Variants in NKIRAS1 observed in about 807,000 individuals in gnomAD.
The protein encoded by NKIRAS1 is NF-kappa-B inhibitor-interacting Ras-like protein 1.
NKIRAS1 carries 16 observed loss-of-function variants against 19.8 expected under a neutral mutation model. That is an observed-to-expected ratio of 0.81 (90% confidence interval 0.55 to 1.23). The LOEUF (loss-of-function observed/expected upper bound fraction) is 1.23, where lower values mean the gene tolerates loss of function less well. Ranked by LOEUF, NKIRAS1 falls within the 50% of genes most tolerant of loss-of-function variation. The probability of loss-of-function intolerance (pLI) is 0.00; values close to 1 mark genes in which losing one functional copy is unlikely to be tolerated. For synonymous variants in NKIRAS1, 88 were observed against 79.0 expected (o/e 1.11, Z -0.61); for missense variants, 184 against 220.0 (o/e 0.84, Z 1.04).
chr3:23,909,933 G>A (rs1703506205), intron 3 of NKIRAS1, among the ~76,000 whole-genome samples: 2 of 142,260 alleles, frequency 1.4e-5, no homozygotes. Flanking sequence ...ATCTCAGCTC[G>A]CTGCAACCTC....
intron 1 of NKIRAS1, among the ~76,000 whole-genome samples, chr3:23,935,342 T>C (rs571299524): frequency 6.6e-6 from 1 of 150,606 alleles, no homozygotes. Flanking sequence ...AATTAGTTTA[T>C]GAAAGAAAGG....
chr3:23,934,834 A>AG (rs909657312), intron 1 of NKIRAS1, among the ~76,000 whole-genome samples: 1 of 37,478 alleles, frequency 2.7e-5, no homozygotes, highest in African/African-American at 1.0e-4. Context: ...TGCTCTCTTG[A>AG]AAAAAAAAAA....
Position 23,900,964 on chromosome 3 carries a change from A to C in NKIRAS1, c.180T>G (p.Tyr60Ter). 6.2e-7 allele frequency: 1 copy of C among 1,614,214 alleles called. No homozygotes were observed. The highest frequency in any genetic ancestry group is 8.5e-7 in the Non-Finnish European group (1 of 1,180,034). The change falls in exon 4 of 5, where the codon TAT becomes TAG. Residue 60 changes from tyrosine (Y) to a stop codon, truncating the protein, a stop_gained. Coordinates refer to ENST00000425478, the MANE Select transcript of NKIRAS1 (RefSeq NM_020345.4). LOFTEE classifies it high-confidence loss of function. ...CGCCTTCCTGTAGACCTCTGGTGTC[A>C]TAAAGATGTAACTGTTCTTTTACTC... Reference protein sequence around the residue: ...DRGVKEQLHLYDTRGLQEGVE... With the variant: ...DRGVKEQLHL
intron 1 of NKIRAS1, among the ~76,000 whole-genome samples, chr3:23,937,994 A>G (rs1705427847): frequency 6.6e-6 from 1 of 152,200 alleles, no homozygotes. Flanking sequence ...AACTGGGTCT[A>G]TATCTGAAAT....
intron 1 of NKIRAS1, among the ~76,000 whole-genome samples, chr3:23,925,145 T>C (rs73825183): frequency 0.016 from 2,464 of 152,258 alleles, 76 homozygotes; most frequent in African/African-American, 0.057. Flanking sequence ...AATCAAATAT[T>C]TGTGAACAGC....
At chr3:23,940,789 C>T (rs1705480456) in intron 1 of NKIRAS1, among the ~76,000 whole-genome samples, 1 of 151,898 alleles carries the variant, frequency 6.6e-6, no homozygotes, top group Non-Finnish European at 1.5e-5. Flanking sequence ...AATATAGAAG[C>T]TAATACCATG....
At chr3:23,943,387 C>A (rs1285655871) in intron 1 of NKIRAS1, among the ~76,000 whole-genome samples, 2 of 152,226 alleles carry the variant, frequency 1.3e-5, no homozygotes, top group Non-Finnish European at 1.5e-5. Context: ...CATGCGCCAC[C>A]ACCCCGGCTA....
At chr3:23,938,963 C>T (rs1221956430) in intron 1 of NKIRAS1, among the ~76,000 whole-genome samples, 3 of 152,248 alleles carry the variant, frequency 2.0e-5, no homozygotes, top group African/African-American at 7.2e-5. Context: ...TAGCTCCTAG[C>T]AGCTCCAACC....
chr3:23,936,134 A>C (rs535991856), intron 1 of NKIRAS1, among the ~76,000 whole-genome samples: 1 of 150,004 alleles, frequency 6.7e-6, no homozygotes, highest in South Asian at 2.1e-4. Context: ...ATTGGTGATA[A>C]GCATAATAGG....
rs982283990 is a variant in NKIRAS1 at position 23,890,809 on chromosome 3, T to C, written c.*2286A>G. 5 of 435,896 alleles carry C rather than the reference T, an allele frequency of 1.1e-5. No individual in the cohort carries two copies. The highest frequency in any genetic ancestry group is 4.2e-5 in the Admixed American group (1 of 23,928). 27.0% of individuals were successfully genotyped at this position (435,896 alleles called of 1,614,324 possible). A position where few individuals can be genotyped will look rare whatever the true frequency, so the allele number is the denominator to read the frequency against. On this transcript the variant is annotated 3_prime_UTR_variant, in exon 5 of 5. Transcript: ENST00000425478. ...GAATTGGTAATAGCAACTTTTAAAA[T>C]TGTCATTAGTTCTGCAATATTAGCT...
At chr3:23,946,335 G>T in exon 1 of NKIRAS1, 5 of 978,314 alleles carry the variant, frequency 5.1e-6, no homozygotes, top group Admixed American at 6.1e-5. Context: ...TGCAGATTCC[G>T]AGGAGGAAGT....
At chr3:23,935,908 C>T (rs1385293966) in intron 1 of NKIRAS1, among the ~76,000 whole-genome samples, 2 of 151,832 alleles carry the variant, frequency 1.3e-5, no homozygotes, top group Non-Finnish European at 2.9e-5. Context: ...AGCAAAACCT[C>T]GTCTCTACAA....
chr3:23,939,309 A>C (rs1705451465), intron 1 of NKIRAS1, among the ~76,000 whole-genome samples: 3 of 152,250 alleles, frequency 2.0e-5, no homozygotes, highest in African/African-American at 7.2e-5. Context: ...AGATCAAGAT[A>C]AAGAGCAGAA....
chr3:23,896,039 G>C (rs1701953171), intron 4 of NKIRAS1, among the ~76,000 whole-genome samples: 1 of 150,504 alleles, frequency 6.6e-6, no homozygotes, highest in African/African-American at 2.5e-5. Context: ...GGAGGCTGAG[G>C]CAGGAGAATG....
intron 1 of NKIRAS1, among the ~76,000 whole-genome samples, chr3:23,912,575 A>G (rs1703869435): frequency 6.6e-6 from 1 of 152,148 alleles, no homozygotes; most frequent in Non-Finnish European, 1.5e-5. Context: ...AAATAGGAAC[A>G]CTTTTACACT....
chr3:23,928,168 C>A (rs2125264937), intron 1 of NKIRAS1, among the ~76,000 whole-genome samples: 1 of 150,830 alleles, frequency 6.6e-6, no homozygotes, highest in African/African-American at 2.4e-5. Flanking sequence ...GAATGGTAGC[C>A]CACACCTGTA....
intron 1 of NKIRAS1, among the ~76,000 whole-genome samples, chr3:23,943,773 T>C (rs1316756563): frequency 6.6e-6 from 1 of 152,124 alleles, no homozygotes; most frequent in Non-Finnish European, 1.5e-5. Flanking sequence ...TAGGGAAGAA[T>C]AGAGGGCTAC....
chr3:23,908,626 T>A (rs931984946), intron 3 of NKIRAS1, among the ~76,000 whole-genome samples: 2 of 152,146 alleles, frequency 1.3e-5, no homozygotes, highest in Admixed American at 1.3e-4. Context: ...ATATAATGAG[T>A]TTATTAGTGT....
upstream of NKIRAS1, chr3:23,921,715 C>G (rs771784490): frequency 9.3e-6 from 6 of 646,576 alleles, no homozygotes; most frequent in Non-Finnish European, 1.6e-5. Flanking sequence ...GCCAGGACTA[C>G]AGGCGCACAC....
Sources: gnomAD v4.1 joint callset for allele counts (sites outside exome capture counted in the v4.1 genomes callset) on GRCh38, gnomAD v4.1.1 for gene constraint, MANE v1.5 for transcripts, NCBI Gene and HGNC (gene_info 2026-07-23, HGNC 2026-07-21) for gene names.